ZNF236: variants seen among roughly 807,000 people sequenced by gnomAD.
ZNF236 encodes zinc finger protein 236, also known as regulated by glucose.
A neutral mutation model predicts 191.2 loss-of-function variants in ZNF236; 50 were observed. The observed-to-expected ratio is 0.26, with a 90% CI of 0.21 to 0.33. The LOEUF is 0.33. Ranked by LOEUF, ZNF236 falls within the 10% of genes least tolerant of loss-of-function variation. The pLI is 1.00. For missense variants in ZNF236, 1,754 were observed against 2,374.5 expected (o/e 0.74, Z 5.43); for synonymous variants, 907 against 928.8 (o/e 0.98, Z 0.43).
intron 1 of ZNF236, among the ~76,000 whole-genome samples, chr18:76,836,704 AGT>A (rs1975338075): frequency 6.6e-6 from 1 of 151,338 alleles, no homozygotes. Flanking sequence ...CAGCCTCCCG[AGT>A]GGCTGGAGCT....
chr18:76,834,584 C>G (rs1975267484), intron 1 of ZNF236: 3 of 473,634 alleles, frequency 6.3e-6, no homozygotes, highest in Non-Finnish European at 1.2e-5. Flanking sequence ...CCTGTGTGCA[C>G]AGTTGGGGTG....
chr18:76,855,616 C>T (rs1269476954), intron 3 of ZNF236, among the ~76,000 whole-genome samples: 1 of 152,212 alleles, frequency 6.6e-6, no homozygotes, highest in East Asian at 1.9e-4. Context: ...TAGGAAGTCA[C>T]TGCTGTTAGG....
At chr18:76,947,489 C>T (rs1281347929) in intron 26 of ZNF236, 32 bp from the exon 27 acceptor site, 4 of 1,593,382 alleles carry the variant, frequency 2.5e-6, no homozygotes, top group Non-Finnish European at 3.4e-6. Flanking sequence ...GCTAAAGTTA[C>T]AACTTCTGAA....
chr18:76,956,498 A>G (rs984855074), intron 28 of ZNF236, among the ~76,000 whole-genome samples: 1 of 151,568 alleles, frequency 6.6e-6, no homozygotes, highest in Non-Finnish European at 1.5e-5. Context: ...GGCTGTGGGG[A>G]AACAGAGGCT....
At position 76,822,912 on chromosome 18, in the gene ZNF236, G is replaced by A. The variant is rs940683030; in HGVS notation, c.55+250G>A. Among the ~76,000 whole-genome samples the A allele has an allele frequency of 2.0e-3, 291 of 147,890 alleles. 1 individual carries two copies. The highest frequency in any genetic ancestry group is 6.9e-3 in the African/African-American group (282 of 40,880). ...TCCTGGGCCGGGCGGCGGCTGAGGC[G>A]GGAGGCGGGAGGCGGGTGAGGGAGC... On this transcript the variant is annotated intron_variant, in intron 1 of 30. Coordinates refer to ENST00000320610, the MANE Select transcript of ZNF236 (RefSeq NM_001306089.2).
chr18:76,826,108 C>T (rs181665173), intron 1 of ZNF236, among the ~76,000 whole-genome samples: 4 of 148,678 alleles, frequency 2.7e-5, no homozygotes, highest in East Asian at 2.0e-4. Context: ...AAGCTCAGAG[C>T]GGATACCTGA....
At chr18:76,915,905 T>G (rs1337074694) in intron 19 of ZNF236, 46 bp downstream of exon 19, 1 of 1,566,162 alleles carries the variant, frequency 6.4e-7, no homozygotes, top group Non-Finnish European at 8.8e-7. Flanking sequence ...CGATGCTAAT[T>G]TAGGAATAAA....
Position 76,905,143 on chromosome 18 carries a change from T to A in ZNF236, c.2037-12T>A. ...AGAAACATATTCATTAAAATGTGTA[T>A]TTTTTTTTAAGATCCCATACAGGTG... On this transcript the variant is annotated splice_polypyrimidine_tract_variant and intron_variant, in intron 12 of 30. Coordinates refer to ENST00000320610, the MANE Select transcript of ZNF236 (RefSeq NM_001306089.2). 1 of 1,502,982 alleles carries A rather than the reference T, an allele frequency of 6.7e-7. No individual in the cohort carries two copies. Among genetic ancestry groups the A allele is most frequent in the South Asian group, 1.2e-5 (1 of 80,762 alleles). The allele number at this position is 1,502,982 out of a possible 1,614,324, so 93.1% of individuals were successfully genotyped here.
intron 11 of ZNF236, among the ~76,000 whole-genome samples, chr18:76,899,604 T>C (rs949534958): frequency 1.3e-5 from 2 of 152,230 alleles, no homozygotes; most frequent in African/African-American, 4.8e-5. Context: ...TTGTACTGTG[T>C]TACAGATTAT....
At chr18:76,903,378 C>A (rs1022933461) in intron 11 of ZNF236, among the ~76,000 whole-genome samples, 1 of 152,160 alleles carries the variant, frequency 6.6e-6, no homozygotes. Flanking sequence ...GAAGACTGTT[C>A]CAGGCATGCA....
At chr18:76,931,626 A>G (rs747808982) in intron 25 of ZNF236, among the ~76,000 whole-genome samples, 1 of 152,258 alleles carries the variant, frequency 6.6e-6, no homozygotes, top group Non-Finnish European at 1.5e-5. Flanking sequence ...CCAGCTGAAA[A>G]TAGAATAGAA....
chr18:76,896,967 C>G (rs762699924), intron 10 of ZNF236, among the ~76,000 whole-genome samples: 2 of 151,714 alleles, frequency 1.3e-5, no homozygotes, highest in Non-Finnish European at 2.9e-5. Context: ...GTACTGCACA[C>G]AGTACAACAT....
chr18:76,865,302 A>C (rs1190505725), intron 3 of ZNF236, among the ~76,000 whole-genome samples: 2 of 152,162 alleles, frequency 1.3e-5, no homozygotes, highest in Non-Finnish European at 2.9e-5. Flanking sequence ...ATGCCATTGC[A>C]CTCCAGCCTG....
chr18:76,953,236 T>C (rs937586389), intron 27 of ZNF236, among the ~76,000 whole-genome samples: 1 of 152,234 alleles, frequency 6.6e-6, no homozygotes, highest in Non-Finnish European at 1.5e-5. Context: ...GACCTAACTT[T>C]GTTAGCAACT....
At chr18:76,858,021 C>T (rs1293953649) in intron 3 of ZNF236, among the ~76,000 whole-genome samples, 1 of 151,226 alleles carries the variant, frequency 6.6e-6, no homozygotes, top group East Asian at 2.0e-4. Flanking sequence ...GTCTTTTGGC[C>T]ATATGTTGTG....
At chr18:76,883,242 A>G (rs141956888) in intron 9 of ZNF236, among the ~76,000 whole-genome samples, 59 of 152,210 alleles carry the variant, frequency 3.9e-4, no homozygotes, top group Non-Finnish European at 6.2e-4. Flanking sequence ...GGTAACAATT[A>G]GGTACTTTCT....
At chr18:76,832,510 G>T in intron 1 of ZNF236, among the ~76,000 whole-genome samples, 1 of 148,030 alleles carries the variant, frequency 6.8e-6, no homozygotes, top group African/African-American at 2.5e-5. Flanking sequence ...TACCATTTTT[G>T]TCTTTTTTTT....
At chr18:76,959,855 G>T in intron 29 of ZNF236, 39 bp downstream of exon 29, 1 of 1,599,064 alleles carries the variant, frequency 6.3e-7, no homozygotes. Context: ...CTTACTCTTT[G>T]AAGTAGACAT....
Position 76,902,819 on chromosome 18 carries a change from G to A in ZNF236, c.1895-1561G>A, listed in dbSNP as rs1019538965. Among the ~76,000 whole-genome samples the A allele has an allele frequency of 5.9e-5, 9 of 152,028 alleles. No individual in the cohort carries two copies. The South Asian group carries it at 1.5e-3, about 25-fold the overall frequency. On this transcript the variant is annotated intron_variant, in intron 11 of 30. Coordinates refer to ENST00000320610, the MANE Select transcript of ZNF236 (RefSeq NM_001306089.2). ...TTGGCCAGGCTGATCTCAAACTCCC[G>A]ACCTCAGGTGATCCACCCACCTTGG...
Sources: allele counts gnomAD v4.1 joint callset (sites outside exome capture counted in the v4.1 genomes callset), GRCh38; gene constraint gnomAD v4.1.1; transcripts MANE v1.5; gene names NCBI Gene and HGNC (gene_info 2026-07-23, HGNC 2026-07-21).